The following GPC5 variants were observed in gnomAD, a reference collection of about 807,000 sequenced individuals.
The protein encoded by GPC5 is glypican-5.
Under a neutral mutation model 53.9 loss-of-function variants are expected in GPC5, and 47 were observed. That is an observed-to-expected ratio of 0.87 (90% CI 0.69 to 1.11). The LOEUF (loss-of-function observed/expected upper bound fraction) is 1.11, where lower values mean the gene tolerates loss of function less well. GPC5 is among the 50% of genes most tolerant of loss of function. GPC5 has a pLI of 0.00. For synonymous variants in GPC5, 286 were observed against 263.3 expected (o/e 1.09, Z -0.84); for missense variants, 748 against 713.1 (o/e 1.05, Z -0.56).
intron 7 of GPC5, among the ~76,000 whole-genome samples, chr13:92,208,855 G>A (rs976747679): frequency 1.3e-5 from 2 of 152,144 alleles, no homozygotes; most frequent in African/African-American, 2.4e-5. Flanking sequence ...TTGACACAGA[G>A]AATGCTGCAC....
At chr13:91,676,871 G>A (rs1319633579) in intron 2 of GPC5, among the ~76,000 whole-genome samples, 3 of 152,196 alleles carry the variant, frequency 2.0e-5, no homozygotes, top group African/African-American at 7.2e-5. Flanking sequence ...AACCTTACGA[G>A]GATTAGGTAG....
At chr13:91,514,650 A>T (rs940688209) in intron 2 of GPC5, among the ~76,000 whole-genome samples, 1 of 152,160 alleles carries the variant, frequency 6.6e-6, no homozygotes, top group Admixed American at 6.5e-5. Flanking sequence ...ACCCAGTGGA[A>T]TCCAATGTTA....
intron 7 of GPC5, among the ~76,000 whole-genome samples, chr13:92,391,717 T>C (rs1056027448): frequency 6.6e-6 from 1 of 152,198 alleles, no homozygotes; most frequent in Non-Finnish European, 1.5e-5. Flanking sequence ...CCTTTGCAAA[T>C]ACTTTCTCTA....
chr13:92,857,958 G>A (rs1287982553), intron 7 of GPC5, among the ~76,000 whole-genome samples: 1 of 152,058 alleles, frequency 6.6e-6, no homozygotes, highest in African/African-American at 2.4e-5. Context: ...CCAGCAATCC[G>A]ATTACTGGTA....
chr13:91,880,735 C>T (rs1233705560), intron 5 of GPC5, among the ~76,000 whole-genome samples: 20 of 152,110 alleles, frequency 1.3e-4, no homozygotes, highest in Admixed American at 1.3e-3. Flanking sequence ...GTGATTCTTC[C>T]AGGCTATAGT....
intron 7 of GPC5, among the ~76,000 whole-genome samples, chr13:92,353,171 A>G (rs1295525351): frequency 6.7e-6 from 1 of 149,902 alleles, no homozygotes; most frequent in Non-Finnish European, 1.5e-5. Flanking sequence ...GAGGCAGAAG[A>G]ATGGCGTGAA....
chr13:92,343,342 T>C (rs549443787), intron 7 of GPC5, among the ~76,000 whole-genome samples: 1 of 152,308 alleles, frequency 6.6e-6, no homozygotes, highest in Non-Finnish European at 1.5e-5. Context: ...AATTGCCCTA[T>C]ATTATGAAAA....
chr13:91,831,227 G>C (rs1267946467), intron 5 of GPC5, among the ~76,000 whole-genome samples: 1 of 151,080 alleles, frequency 6.6e-6, no homozygotes, highest in Non-Finnish European at 1.5e-5. Flanking sequence ...CCAAAACTTG[G>C]AGTCTGATGT....
intron 7 of GPC5, among the ~76,000 whole-genome samples, chr13:92,388,213 A>G (rs1874827898): frequency 6.6e-6 from 1 of 152,020 alleles, no homozygotes; most frequent in Non-Finnish European, 1.5e-5. Flanking sequence ...CATTTTGCTA[A>G]TATCTTGCTT....
At chr13:92,508,326 A>G (rs1280898121) in intron 7 of GPC5, among the ~76,000 whole-genome samples, 1 of 152,140 alleles carries the variant, frequency 6.6e-6, no homozygotes, top group Non-Finnish European at 1.5e-5. Flanking sequence ...TATATAGAAC[A>G]TCATATTAGA....
chr13:91,737,505 C>T (rs1333522774), intron 4 of GPC5, among the ~76,000 whole-genome samples: 1 of 150,860 alleles, frequency 6.6e-6, no homozygotes, highest in Non-Finnish European at 1.5e-5. Flanking sequence ...TCTGTAATAG[C>T]TGAAAAAATA....
At chr13:91,544,937 T>A (rs2138776152) in intron 2 of GPC5, among the ~76,000 whole-genome samples, 1 of 152,294 alleles carries the variant, frequency 6.6e-6, no homozygotes, top group East Asian at 1.9e-4. Flanking sequence ...GGTTGTTGAC[T>A]GGCAAACTCA....
intron 7 of GPC5, among the ~76,000 whole-genome samples, chr13:92,526,332 A>G (rs1001297192): frequency 2.4e-4 from 36 of 152,240 alleles, no homozygotes; most frequent in African/African-American, 8.4e-4. Context: ...TTGTGCTTTC[A>G]TAACCTGAGG....
intron 1 of GPC5, 128 bp downstream of exon 1, chr13:91,399,337 G>T: frequency 1.7e-6 from 2 of 1,194,992 alleles, no homozygotes; most frequent in Non-Finnish European, 1.1e-6. Flanking sequence ...GGTGAATCCC[G>T]GGGAGGCTTC....
rs565311006 is a variant in GPC5 at position 92,753,665 on chromosome 13, G to A, written c.1562-112617G>A. 1.3e-4 allele frequency among the ~76,000 whole-genome samples: 20 copies of A among 152,196 alleles called. No individual in the cohort carries two copies. In the East Asian group the frequency reaches 1.9e-3, roughly 15 times the overall value. ...CTGATGGAGCTGAAAACCAAGGCTC[G>A]AGAACTACGTGAAGAATGCAGAAAC... On this transcript the variant is annotated intron_variant, in intron 7 of 7. Coordinates refer to ENST00000377067, the MANE Select transcript of GPC5 (RefSeq NM_004466.6).
chr13:92,400,473 G>A (rs1343867212), intron 7 of GPC5, among the ~76,000 whole-genome samples: 2 of 152,180 alleles, frequency 1.3e-5, no homozygotes, highest in African/African-American at 4.8e-5. Context: ...GGCATCCTAT[G>A]AAAATCCATT....
rs1206837138 is a variant in GPC5, at chr13:92,585,402, T to C, written c.1562-280880T>C. The stretch of plus-strand genomic sequence containing the variant: ...CTGGAATTTGGACTTGCGTGGGGCC[T>C]GTAGCCCCTTTGTTTCAGCCAATGC... On this transcript the variant is annotated intron_variant, in intron 7 of 7. Coordinates refer to ENST00000377067, the MANE Select transcript of GPC5 (RefSeq NM_004466.6). Among the ~76,000 whole-genome samples the C allele has an allele frequency of 2.6e-5, 4 of 152,342 alleles. No homozygotes were observed. The East Asian group carries it at 5.8e-4, about 22-fold the overall frequency.
chr13:92,115,305 G>T (rs1171415676), intron 6 of GPC5, among the ~76,000 whole-genome samples: 4 of 152,144 alleles, frequency 2.6e-5, no homozygotes, highest in Admixed American at 6.6e-5. Flanking sequence ...TCAAGAGATC[G>T]AGACCATTCT....
chr13:92,171,777 C>T (rs1382398090), intron 7 of GPC5, among the ~76,000 whole-genome samples: 1 of 152,302 alleles, frequency 6.6e-6, no homozygotes, highest in African/African-American at 2.4e-5. Flanking sequence ...CTGTATGTCT[C>T]TAACCCAAAT....
Sources: gnomAD v4.1 joint callset for allele counts (sites outside exome capture counted in the v4.1 genomes callset) on GRCh38, gnomAD v4.1.1 for gene constraint, MANE v1.5 for transcripts, NCBI Gene and HGNC (gene_info 2026-07-23, HGNC 2026-07-21) for gene names.